ITGB6: variants seen among roughly 807,000 people sequenced by gnomAD.
ITGB6 encodes the protein integrin beta-6.
A neutral mutation model predicts 84.5 loss-of-function variants in ITGB6; 80 were observed. The ratio of observed to expected loss-of-function variants is 0.95; its 90% CI spans 0.79 to 1.14. ITGB6 has a LOEUF of 1.14. ITGB6 is among the 50% of genes most tolerant of loss of function. ITGB6 has a pLI of 0.00. For missense variants in ITGB6, 1,006 were observed against 968.0 expected (o/e 1.04, Z -0.52); for synonymous variants, 383 against 354.9 (o/e 1.08, Z -0.89).
intron 10 of ITGB6, among the ~76,000 whole-genome samples, chr2:160,134,941 C>A (rs1309732157): frequency 2.6e-5 from 4 of 152,218 alleles, no homozygotes; most frequent in South Asian, 2.1e-4. Context: ...AACCCACAGC[C>A]AATATCATAC....
chr2:160,108,399 G>A (rs1696996689), intron 13 of ITGB6, among the ~76,000 whole-genome samples: 1 of 152,116 alleles, frequency 6.6e-6, no homozygotes, highest in Non-Finnish European at 1.5e-5. Flanking sequence ...ATGGGTTTCA[G>A]TTCTGTTTTG....
chr2:160,197,157 CT>C (rs1408119421), intron 2 of ITGB6, among the ~76,000 whole-genome samples: 2 of 151,972 alleles, frequency 1.3e-5, no homozygotes, highest in Admixed American at 1.3e-4. Flanking sequence ...TAAAAGTCTG[CT>C]TTTTGCTGGT....
At chr2:160,132,826 T>C (rs1683527302) in intron 10 of ITGB6, among the ~76,000 whole-genome samples, 2 of 152,162 alleles carry the variant, frequency 1.3e-5, no homozygotes, top group African/African-American at 4.8e-5. Context: ...AACATACATA[T>C]TTCTACTTTA....
chr2:160,116,946 T>A lies in ITGB6; in HGVS notation c.1982-4747A>T, dbSNP rs1214496126. Among the ~76,000 whole-genome samples, 3 of 151,836 alleles carry A rather than the reference T, an allele frequency of 2.0e-5. No homozygotes were observed. The East Asian group carries it at 5.8e-4, about 29-fold the overall frequency. On this transcript the variant is annotated intron_variant, in intron 12 of 14. Transcript: ENST00000283249. ...CATTACATAATGGTAAAGGGATCAA[T>A]TCAACAAGAAGAGCTAACTATCCTA...
intron 13 of ITGB6, among the ~76,000 whole-genome samples, chr2:160,109,476 C>T (rs1415499289): frequency 6.6e-6 from 1 of 152,196 alleles, no homozygotes; most frequent in African/African-American, 2.4e-5. Context: ...TGCACCTAGA[C>T]ATGAATTAGG....
intron 10 of ITGB6, among the ~76,000 whole-genome samples, chr2:160,136,112 C>T (rs1337390947): frequency 6.6e-6 from 1 of 152,304 alleles, no homozygotes; most frequent in East Asian, 1.9e-4. Context: ...TCAGAGTGAA[C>T]AGGCAACCTA....
chr2:160,116,209 A>G (rs1682759930), intron 12 of ITGB6, among the ~76,000 whole-genome samples: 1 of 151,918 alleles, frequency 6.6e-6, no homozygotes, highest in Non-Finnish European at 1.5e-5. Flanking sequence ...ACACACAATT[A>G]TCAGATTCAC....
At chr2:160,186,615 G>A (rs947111199) in intron 4 of ITGB6, among the ~76,000 whole-genome samples, 2 of 152,112 alleles carry the variant, frequency 1.3e-5, no homozygotes, top group South Asian at 2.1e-4. Flanking sequence ...CCGTTACTGC[G>A]TATATACCCA....
At chr2:160,149,378 G>T (rs1684327566) in intron 7 of ITGB6, among the ~76,000 whole-genome samples, 1 of 152,166 alleles carries the variant, frequency 6.6e-6, no homozygotes, top group Non-Finnish European at 1.5e-5. Flanking sequence ...CTGTTAGAAG[G>T]AAAACTAACA....
chr2:160,103,090 G>T (rs1020510725), intron 14 of ITGB6, among the ~76,000 whole-genome samples: 1 of 151,998 alleles, frequency 6.6e-6, no homozygotes, highest in Non-Finnish European at 1.5e-5. Flanking sequence ...TGGAATCCAG[G>T]TACCGCCTCT....
intron 4 of ITGB6, among the ~76,000 whole-genome samples, chr2:160,192,661 G>A (rs540981397): frequency 8.2e-4 from 125 of 152,038 alleles, no homozygotes; most frequent in African/African-American, 2.5e-3. Context: ...CAAAGGTATC[G>A]CCAGAAAAAT....
At chr2:160,133,937 A>C (rs12476618) in intron 10 of ITGB6, among the ~76,000 whole-genome samples, 101,559 of 151,914 alleles carry the variant, frequency 0.67, 34,327 homozygotes, top group Admixed American at 0.74. Context: ...ACACTAAATG[A>C]CCACAAGAGA....
chr2:160,137,771 C>T lies in ITGB6; in HGVS notation c.1323G>A (p.Gly441=). Residue 441 remains glycine (G), a synonymous_variant, in exon 10 of 15, where the codon GGG becomes GGA. Transcript: ENST00000283249. ...RHIIIKPVGL[G]DALELLVSPE... ...GGCTGACAAGTAATTCCAGGGCATCCCCCAGCCCCACAGGCTTTATGATAA... is the reference window on the plus strand; with the variant it reads ...GGCTGACAAGTAATTCCAGGGCATCTCCCAGCCCCACAGGCTTTATGATAA... 1 of 1,614,160 alleles carries T rather than the reference C, an allele frequency of 6.2e-7. No homozygotes were observed. The highest frequency in any genetic ancestry group is 1.6e-4 in the Middle Eastern group (1 of 6,062).
chr2:160,110,178 G>C (rs1395463389), intron 13 of ITGB6, among the ~76,000 whole-genome samples: 3 of 152,124 alleles, frequency 2.0e-5, no homozygotes, highest in Non-Finnish European at 4.4e-5. Context: ...TCCAGGCCAG[G>C]CTGCCAGAGC....
intron 14 of ITGB6, among the ~76,000 whole-genome samples, chr2:160,106,861 T>C (rs13403826): frequency 0.12 from 18,416 of 152,200 alleles, 1,638 homozygotes; most frequent in East Asian, 0.3. Flanking sequence ...GCATTGCGTC[T>C]ACCTGTATTT....
At chr2:160,181,947 T>C (rs1363909295) in intron 4 of ITGB6, among the ~76,000 whole-genome samples, 3 of 151,954 alleles carry the variant, frequency 2.0e-5, no homozygotes, top group African/African-American at 7.3e-5. Context: ...AGCATCAATA[T>C]CAACAAAAAG....
At chr2:160,175,326 T>A (rs1457254424) in intron 4 of ITGB6, among the ~76,000 whole-genome samples, 1 of 152,216 alleles carries the variant, frequency 6.6e-6, no homozygotes, top group Non-Finnish European at 1.5e-5. Flanking sequence ...ATTTATTTGT[T>A]ACTCCCTAAT....
At chr2:160,141,199 C>G (rs1309470714) in intron 8 of ITGB6, among the ~76,000 whole-genome samples, 1 of 151,574 alleles carries the variant, frequency 6.6e-6, no homozygotes, top group Non-Finnish European at 1.5e-5. Context: ...TTTTTCATTC[C>G]TATCCTAATT....
chr2:160,184,425 C>T (rs1315852192), intron 4 of ITGB6, among the ~76,000 whole-genome samples: 1 of 152,114 alleles, frequency 6.6e-6, no homozygotes, highest in Admixed American at 6.6e-5. Flanking sequence ...CAAGACTAAA[C>T]CAGGAAGAAG....
Sources: allele counts gnomAD v4.1 joint callset (sites outside exome capture counted in the v4.1 genomes callset), GRCh38; gene constraint gnomAD v4.1.1; transcripts MANE v1.5; gene names NCBI Gene and HGNC (gene_info 2026-07-23, HGNC 2026-07-21).